The following SLC12A2 variants were observed in gnomAD, a reference collection of about 807,000 sequenced individuals.
The protein encoded by SLC12A2 is solute carrier family 12 member 2.
In SLC12A2, 67 loss-of-function variants were observed where a neutral mutation model predicts 136.3. That is an observed-to-expected ratio of 0.49 (90% CI 0.40 to 0.60). The LOEUF (loss-of-function observed/expected upper bound fraction) is 0.60, where lower values mean the gene tolerates loss of function less well. Among genes scored for constraint, SLC12A2 ranks in the 20% least tolerant of loss-of-function variants. The probability of loss-of-function intolerance (pLI) is 0.00; values close to 1 mark genes in which losing one functional copy is unlikely to be tolerated. For missense variants in SLC12A2, 1,322 were observed against 1,534.7 expected (o/e 0.86, Z 2.32); for synonymous variants, 619 against 562.9 (o/e 1.10, Z -1.41).
chr5:128,126,966 A>ATATATATATATATAATTT, intron 4 of SLC12A2, among the ~76,000 whole-genome samples: 2 of 21,160 alleles, frequency 9.5e-5, no homozygotes, highest in Non-Finnish European at 7.7e-5. Flanking sequence ...ATATATATAT[A>ATATATATATATATAATTT]TTTTTTTTTT....
chr5:128,103,398 A>G (rs1453561362), intron 1 of SLC12A2, among the ~76,000 whole-genome samples: 2 of 152,144 alleles, frequency 1.3e-5, no homozygotes, highest in African/African-American at 4.8e-5. Flanking sequence ...CTCTGACTTG[A>G]GAACAGACAC....
intron 1 of SLC12A2, among the ~76,000 whole-genome samples, chr5:128,085,556 G>A (rs1488424112): frequency 6.6e-6 from 1 of 152,190 alleles, no homozygotes; most frequent in African/African-American, 2.4e-5. Flanking sequence ...CAATGTCACT[G>A]TTTTGAGATA....
chr5:128,158,295 CACCCAGGTAATAAGCATAGT>C (rs2126730579), intron 16 of SLC12A2, 131 bp downstream of exon 16: 1 of 681,730 alleles, frequency 1.5e-6, no homozygotes, highest in East Asian at 2.8e-5. Flanking sequence ...ATTGTTTTGT[CACCCAGGTAATAAGCATAGT>C]ACCCAATAGG....
Position 128,148,707 on chromosome 5 carries a change from G to A in SLC12A2, c.1882-47G>A, listed in dbSNP as rs751404899. The A allele has an allele frequency of 4.0e-6, 6 of 1,482,658 alleles. No individual in the cohort carries two copies. The South Asian group carries it at 5.3e-5, about 13-fold the overall frequency. The allele number at this position is 1,482,658 out of a possible 1,614,324, so 91.8% of individuals were successfully genotyped here. A position where few individuals can be genotyped will look rare whatever the true frequency, so the allele number is the denominator to read the frequency against. ...ACCTATTAGAACTATCAGCAAATCT[G>A]CATGTCTAATTTTAATATGTTTCAT... On this transcript the variant is annotated intron_variant, in intron 11 of 26. Transcript: ENST00000262461.
chr5:128,143,164 T>C (rs909323809), intron 10 of SLC12A2, among the ~76,000 whole-genome samples: 1 of 152,152 alleles, frequency 6.6e-6, no homozygotes, highest in African/African-American at 2.4e-5. Flanking sequence ...GTCCTGTATG[T>C]ATTTTGTTAG....
chr5:128,184,873 T>C lies in SLC12A2; in HGVS notation c.3503+17T>C. 1 of 1,563,224 alleles carries C rather than the reference T, an allele frequency of 6.4e-7. No individual in the cohort carries two copies. The highest frequency in any genetic ancestry group is 8.8e-7 in the Non-Finnish European group (1 of 1,134,788). On this transcript the variant is annotated intron_variant, in intron 26 of 26. Transcript: ENST00000262461. ...TATTGTCATGTAAGTAATATCTTTA[T>C]AAAGATTTTCTTGCTAATTTATGAT...
chr5:128,158,155 T>C lies in SLC12A2; in HGVS notation c.2466T>C (p.His822=). Residue 822 remains histidine, a synonymous_variant, in exon 16 of 27, where the codon CAT becomes CAC. Transcript: ENST00000262461. ...ATGTTGGTTTGATGATCTGTGGCCA[T>C]GTACATATGGTAAGTATCAATTTTG... ...TKNVGLMICG[H]VHMGPRRQAM... is the part of the protein sequence containing the mutation. 2 of 1,609,278 alleles carry C rather than the reference T, an allele frequency of 1.2e-6. No individual in the cohort carries two copies. Among genetic ancestry groups the C allele is most frequent in the Non-Finnish European group, 1.7e-6 (2 of 1,177,508 alleles).
chr5:128,112,988 TCTTC>T (rs1357439405), intron 2 of SLC12A2, 55 bp downstream of exon 2: 27 of 1,453,886 alleles, frequency 1.9e-5, no homozygotes, highest in Non-Finnish European at 2.4e-5. Context: ...GGTTATAAAA[TCTTC>T]CTAACGTTCT....
intron 6 of SLC12A2, 148 bp from the exon 7 acceptor site, chr5:128,135,552 C>CT (rs778885215): frequency 9.7e-5 from 54 of 557,116 alleles, no homozygotes; most frequent in Non-Finnish European, 1.6e-4. Flanking sequence ...TGAGCAGCTG[C>CT]TTGGCATATG....
At chr5:128,134,059 T>C in intron 5 of SLC12A2, 106 bp from the exon 6 acceptor site, 1 of 612,090 alleles carries the variant, frequency 1.6e-6, no homozygotes, top group Non-Finnish European at 2.9e-6. Context: ...TTTATTCAAC[T>C]TCTTCATGTA....
Position 128,084,316 on chromosome 5 carries a change from A to G in SLC12A2, c.362A>G (p.Glu121Gly). Reference protein sequence around the residue: ...AGAKQTPADGEASGESEPAKG... With the variant: ...AGAKQTPADGGASGESEPAKG... ...GCCAAGCAGACCCCCGCGGACGGGG[A>G]AGCCAGCGGCGAGAGCGAGCCGGCT... Residue 121 changes from glutamate (E) to glycine (G), a missense_variant, in exon 1 of 27, where the codon GAA (glutamate) becomes GGA (glycine). Coordinates refer to ENST00000262461, the MANE Select transcript of SLC12A2 (RefSeq NM_001046.3). The surrounding 1 kb of genome is among the most constrained non-coding windows in gnomAD (Gnocchi z 5.6). 1.3e-6 allele frequency: 2 copies of G among 1,539,160 alleles called. No individual in the cohort carries two copies. Among genetic ancestry groups the G allele is most frequent in the Non-Finnish European group, 1.7e-6 (2 of 1,148,764 alleles).
chr5:128,184,846 A>G lies in SLC12A2; in HGVS notation c.3493A>G (p.Ile1165Val). 1.9e-6 allele frequency: 3 copies of G among 1,599,574 alleles called. No individual in the cohort carries two copies. Among genetic ancestry groups the G allele is most frequent in the Non-Finnish European group, 2.6e-6 (3 of 1,167,238 alleles). The change falls in exon 26 of 27, where the codon ATT becomes GTT. Residue 1165 changes from isoleucine to valine, a missense_variant. Ile to Val is a conservative substitution (Grantham distance 29). Transcript: ENST00000262461. ...AAAGGAACATTCAAGCACAGCTAAT[A>G]TTATTGTCATGTAAGTAATATCTTT... ...LLKEHSSTANIIVMSLPVARK... is the reference protein window; with the variant it reads ...LLKEHSSTANVIVMSLPVARK...
chr5:128,141,763 T>G (rs1762371242), intron 9 of SLC12A2, 67 bp from the exon 10 acceptor site: 1 of 1,328,242 alleles, frequency 7.5e-7, no homozygotes, highest in South Asian at 1.5e-5. Flanking sequence ...AATATATATA[T>G]GTATATAAAA....
chr5:128,181,433 C>T (rs1047781649), intron 23 of SLC12A2, among the ~76,000 whole-genome samples: 2 of 152,124 alleles, frequency 1.3e-5, no homozygotes, highest in Non-Finnish European at 2.9e-5. Context: ...TATTTCTCTC[C>T]TGCTCTCTAA....
chr5:128,157,700 A>G (rs1426383267), intron 15 of SLC12A2, among the ~76,000 whole-genome samples: 2 of 152,078 alleles, frequency 1.3e-5, no homozygotes, highest in Non-Finnish European at 1.5e-5. Context: ...AAGTTATGCA[A>G]ACTCTGTGAA....
chr5:128,141,723 A>C, intron 9 of SLC12A2, 107 bp from the exon 10 acceptor site: 1 of 792,794 alleles, frequency 1.3e-6, no homozygotes, highest in Non-Finnish European at 1.9e-6. Context: ...AAGGGAGTAG[A>C]TATGTAGTCA....
chr5:128,097,398 T>C (rs1254938436), intron 1 of SLC12A2, among the ~76,000 whole-genome samples: 1 of 152,056 alleles, frequency 6.6e-6, no homozygotes, highest in Non-Finnish European at 1.5e-5. Flanking sequence ...TACTTTAAAG[T>C]ATATGTACCA....
chr5:128,183,932 TC>T (rs1345346786), intron 24 of SLC12A2, among the ~76,000 whole-genome samples: 1 of 152,064 alleles, frequency 6.6e-6, no homozygotes, highest in African/African-American at 2.4e-5. Flanking sequence ...AGATTCCTTA[TC>T]CCAAATGCTT....
intron 16 of SLC12A2, among the ~76,000 whole-genome samples, chr5:128,159,923 A>G (rs1762986404): frequency 1.3e-5 from 2 of 152,242 alleles, no homozygotes; most frequent in African/African-American, 2.4e-5. Context: ...ATTCTACTAT[A>G]AAGACACATA....
Sources: allele counts gnomAD v4.1 joint callset (sites outside exome capture counted in the v4.1 genomes callset), GRCh38; gene constraint gnomAD v4.1.1; non-coding constraint Gnocchi (gnomAD v3.1); transcripts MANE v1.5; gene names NCBI Gene and HGNC (gene_info 2026-07-23, HGNC 2026-07-21).